SBF2: variants seen among roughly 807,000 people sequenced by gnomAD.
SBF2 encodes myotubularin-related protein 13.
In SBF2, 112 loss-of-function variants were observed where a neutral mutation model predicts 225.2. The observed-to-expected ratio is 0.50, with a 90% CI of 0.43 to 0.58. SBF2 has a LOEUF of 0.58. Among genes scored for constraint, SBF2 ranks in the 20% least tolerant of loss-of-function variants. The pLI, the probability that SBF2 is intolerant of heterozygous loss-of-function variation, is 0.00. For missense variants in SBF2, 1,996 were observed against 2,206.2 expected (o/e 0.90, Z 1.91); for synonymous variants, 763 against 773.3 (o/e 0.99, Z 0.22).
chr11:10,262,131 G>T (rs975520432), intron 1 of SBF2, among the ~76,000 whole-genome samples: 11 of 152,040 alleles, frequency 7.2e-5, no homozygotes, highest in African/African-American at 2.4e-4. Context: ...TTGCATTATG[G>T]TTAATTATAT....
chr11:10,188,660 C>T (rs1221486434), intron 2 of SBF2, among the ~76,000 whole-genome samples: 2 of 152,092 alleles, frequency 1.3e-5, no homozygotes, highest in Non-Finnish European at 2.9e-5. Context: ...GTATTAGAAT[C>T]ATAACACCAA....
At chr11:9,841,764 C>T (rs963259029) in intron 25 of SBF2, among the ~76,000 whole-genome samples, 1 of 152,164 alleles carries the variant, frequency 6.6e-6, no homozygotes, top group African/African-American at 2.4e-5. Context: ...GAACTCCTGG[C>T]CTCAAGTGAT....
chr11:10,177,640 G>A (rs1374064062), intron 2 of SBF2, among the ~76,000 whole-genome samples: 2 of 151,690 alleles, frequency 1.3e-5, no homozygotes, highest in Non-Finnish European at 2.9e-5. Flanking sequence ...TACAAGGGAT[G>A]TGAAGGACCT....
chr11:9,924,215 A>G (rs1341737854), intron 16 of SBF2, among the ~76,000 whole-genome samples: 1 of 152,192 alleles, frequency 6.6e-6, no homozygotes, highest in Non-Finnish European at 1.5e-5. Flanking sequence ...GGTAGGGACT[A>G]TACCTCGAGT....
intron 2 of SBF2, among the ~76,000 whole-genome samples, chr11:10,050,488 T>G (rs2134711922): frequency 6.6e-6 from 1 of 152,258 alleles, no homozygotes; most frequent in African/African-American, 2.4e-5. Context: ...AGTTTATAAG[T>G]TATACATAGT....
chr11:10,133,032 TAC>T (rs1426755526), intron 2 of SBF2, among the ~76,000 whole-genome samples: 3 of 148,440 alleles, frequency 2.0e-5, no homozygotes, highest in African/African-American at 5.0e-5. Flanking sequence ...TTGAGCTAGA[TAC>T]AGAGTGCCGA....
intron 5 of SBF2, 141 bp downstream of exon 5, chr11:10,029,624 C>T: frequency 1.4e-6 from 1 of 708,196 alleles, no homozygotes; most frequent in Non-Finnish European, 2.5e-6. Context: ...ACCATGGGGA[C>T]AATGCTTAAC....
chr11:10,054,242 A>T (rs1156706497), intron 2 of SBF2, among the ~76,000 whole-genome samples: 3 of 152,240 alleles, frequency 2.0e-5, no homozygotes, highest in Admixed American at 2.0e-4. Context: ...TACGTGTAAG[A>T]TAATATGATT....
Position 9,947,638 on chromosome 11 carries a change from CA to C in SBF2, c.1860+14318del, listed in dbSNP as rs200130145. Among the ~76,000 whole-genome samples, 383 of 152,174 alleles carry C rather than the reference CA, an allele frequency of 2.5e-3. 8 individuals carry two copies. The highest frequency in any genetic ancestry group is 0.023 in the Admixed American group (351 of 15,286). ...GGCATCTATGCTTATGCTCAGAGGT[CA>C]ATGTAGGGTCAGGTACTCTTGCAGC... is the stretch of plus-strand genomic sequence containing the variant. On this transcript the variant is annotated intron_variant, in intron 16 of 39. Transcript: ENST00000256190.
At chr11:9,787,812 T>C (rs923368641) in intron 35 of SBF2, 74 bp from the exon 36 acceptor site, 4 of 1,270,024 alleles carry the variant, frequency 3.1e-6, no homozygotes, top group Non-Finnish European at 3.4e-6. Context: ...ACACTGCTTC[T>C]GTACTAGGCC....
intron 32 of SBF2, among the ~76,000 whole-genome samples, chr11:9,804,476 T>C (rs1853675442): frequency 6.6e-6 from 1 of 152,248 alleles, no homozygotes; most frequent in South Asian, 2.1e-4. Context: ...AAAATTTCCC[T>C]ACTTTAAGTG....
chr11:10,108,512 T>C (rs1313224662), intron 2 of SBF2, among the ~76,000 whole-genome samples: 1 of 144,864 alleles, frequency 6.9e-6, no homozygotes, highest in Non-Finnish European at 1.5e-5. Flanking sequence ...CAGTAATAGT[T>C]AACTTTTTTT....
intron 36 of SBF2, among the ~76,000 whole-genome samples, chr11:9,787,145 C>T (rs1422688512): frequency 3.3e-5 from 5 of 152,232 alleles, no homozygotes; most frequent in East Asian, 1.9e-4. Flanking sequence ...CCGCCCACCT[C>T]GGCCTCCCAA....
chr11:9,924,736 T>A (rs1863901327), intron 16 of SBF2, among the ~76,000 whole-genome samples: 1 of 151,852 alleles, frequency 6.6e-6, no homozygotes, highest in Admixed American at 6.6e-5. Context: ...CCAGTCGCAT[T>A]TTCTTATTTT....
intron 1 of SBF2, among the ~76,000 whole-genome samples, chr11:10,211,269 C>A (rs1183833135): frequency 6.6e-6 from 1 of 152,110 alleles, no homozygotes; most frequent in African/African-American, 2.4e-5. Context: ...CCTGTCAGAG[C>A]CTGCCACAAA....
At chr11:10,231,309 G>A (rs1170401006) in intron 1 of SBF2, among the ~76,000 whole-genome samples, 10 of 152,104 alleles carry the variant, frequency 6.6e-5, no homozygotes, top group African/African-American at 1.9e-4. Flanking sequence ...CTCTCAACTC[G>A]TCAAAGTCAT....
chr11:10,171,466 C>T (rs985502330), intron 2 of SBF2, among the ~76,000 whole-genome samples: 1 of 152,076 alleles, frequency 6.6e-6, no homozygotes, highest in Non-Finnish European at 1.5e-5. Context: ...TTGAACCATC[C>T]TTGTATCCCT....
intron 1 of SBF2, among the ~76,000 whole-genome samples, chr11:10,283,728 T>C (rs1462290227): frequency 6.6e-6 from 1 of 152,214 alleles, no homozygotes; most frequent in Non-Finnish European, 1.5e-5. Context: ...AAAATATAGT[T>C]GGCTAAATAA....
rs536668770 is a variant in SBF2 at position 9,942,155 on chromosome 11, T to C, written c.1860+19802A>G. ...GGCACAATCACGGCTCACTGCACCC[T>C]CGAGTGGGCTCAAGTGATTCTCCCA... On this transcript the variant is annotated intron_variant, in intron 16 of 39. Coordinates refer to ENST00000256190, the MANE Select transcript of SBF2 (RefSeq NM_030962.4). Among the ~76,000 whole-genome samples the C allele has an allele frequency of 1.1e-4, 16 of 152,282 alleles. No homozygotes were observed. In the South Asian group the frequency reaches 3.3e-3, roughly 32 times the overall value.
Sources: gnomAD v4.1 joint callset for allele counts (sites outside exome capture counted in the v4.1 genomes callset) on GRCh38, gnomAD v4.1.1 for gene constraint, MANE v1.5 for transcripts, NCBI Gene and HGNC (gene_info 2026-07-23, HGNC 2026-07-21) for gene names.